CLSTN1: variants seen among roughly 807,000 people sequenced by gnomAD.
CLSTN1 encodes calsyntenin 1.
In CLSTN1, 28 loss-of-function variants were observed where a neutral mutation model predicts 108.3. That is an observed-to-expected ratio of 0.26 (90% confidence interval 0.19 to 0.35). The LOEUF is 0.35. CLSTN1 is among the 10% of genes least tolerant of loss of function. CLSTN1 has a pLI of 1.00. For missense variants in CLSTN1, 1,157 were observed against 1,302.6 expected, an observed-to-expected ratio of 0.89 and a Z score of 1.72; for synonymous variants, 524 against 534.9, an observed-to-expected ratio of 0.98 and a Z score of 0.28.
chr1:9,750,498 T>TG (rs1651504296), intron 5 of CLSTN1, among the ~76,000 whole-genome samples: 1 of 152,034 alleles, frequency 6.6e-6, no homozygotes, highest in South Asian at 2.1e-4. Context: ...TGCAGTGGCC[T>TG]GATCTCGGCT....
intron 4 of CLSTN1, among the ~76,000 whole-genome samples, chr1:9,753,696 G>A (rs1238148360): frequency 6.6e-6 from 1 of 151,950 alleles, no homozygotes; most frequent in Non-Finnish European, 1.5e-5. Context: ...TCTCCATGTT[G>A]GCCAGGCTGG....
chr1:9,788,885 AAAAC>A lies in CLSTN1; in HGVS notation c.92-15495_92-15492del, dbSNP rs1349517888. ...TCCGTCTCAAAAAAAAAAAAAAAAA[AAAAC>A]AAAAGGAATTTGACTATTCTAGTAC... On this transcript the variant is annotated intron_variant, in intron 1 of 18. Coordinates refer to ENST00000377298, the MANE Select transcript of CLSTN1 (RefSeq NM_001009566.3). Among the ~76,000 whole-genome samples the A allele has an allele frequency of 2.0e-5, 3 of 151,134 alleles. 1 individual carries two copies. The East Asian group carries it at 5.9e-4, about 30-fold the overall frequency.
chr1:9,733,250 C>A (rs1328629271), intron 16 of CLSTN1, 151 bp downstream of exon 16: 4 of 891,622 alleles, frequency 4.5e-6, no homozygotes, highest in Non-Finnish European at 5.1e-6. Flanking sequence ...CTGCAGCAGG[C>A]CCCAGGCTGG....
intron 10 of CLSTN1, among the ~76,000 whole-genome samples, chr1:9,740,284 T>C (rs1245673772): frequency 6.6e-6 from 1 of 151,980 alleles, no homozygotes; most frequent in African/African-American, 2.4e-5. Flanking sequence ...GGTCTCGAAC[T>C]CCTGACCTCA....
chr1:9,809,064 C>T (rs530123593), intron 1 of CLSTN1, among the ~76,000 whole-genome samples: 2 of 152,216 alleles, frequency 1.3e-5, no homozygotes, highest in African/African-American at 2.4e-5. Flanking sequence ...AAACCTCATA[C>T]GCAGAAAACA....
chr1:9,748,034 ACT>A (rs1219700799), intron 7 of CLSTN1, among the ~76,000 whole-genome samples: 5 of 148,024 alleles, frequency 3.4e-5, no homozygotes, highest in East Asian at 4.0e-4. Flanking sequence ...ACAGAGTGAG[ACT>A]CTGTCTAAAA....
intron 1 of CLSTN1, among the ~76,000 whole-genome samples, chr1:9,815,273 A>G (rs1223335961): frequency 1.3e-5 from 2 of 152,242 alleles, no homozygotes; most frequent in East Asian, 3.8e-4. Context: ...GTGAGCTACC[A>G]AGAGCCCCAC....
In CLSTN1 at chr1:9,751,495, C is replaced by A. The variant is rs765551018; in HGVS notation, c.627G>T (p.Val209=). The A allele has an allele frequency of 3.1e-6, 5 of 1,614,104 alleles. No homozygotes were observed. Among genetic ancestry groups the A allele is most frequent in the Non-Finnish European group, 4.2e-6 (5 of 1,180,018 alleles). ...TACCATCTTTGTCAACAGTAAAGGG[C>A]ACGTCTGGAGTGATGATTTCGTAGC... is the stretch of plus-strand genomic sequence containing the variant. ...ICSYEIITPD[V]PFTVDKDGYI... The change falls in exon 5 of 19, where the codon GTG becomes GTT. Residue 209 remains valine (V), a synonymous_variant. Coordinates refer to ENST00000377298, the MANE Select transcript of CLSTN1 (RefSeq NM_001009566.3).
At chr1:9,759,518 A>G (rs955734644) in intron 2 of CLSTN1, among the ~76,000 whole-genome samples, 5 of 152,152 alleles carry the variant, frequency 3.3e-5, no homozygotes, top group African/African-American at 1.2e-4. Flanking sequence ...TCCTGACCTC[A>G]TGATCCGCCC....
At chr1:9,777,018 A>C (rs1652985868) in intron 1 of CLSTN1, among the ~76,000 whole-genome samples, 1 of 151,858 alleles carries the variant, frequency 6.6e-6, no homozygotes, top group African/African-American at 2.4e-5. Context: ...GGAGTTTGAG[A>C]CCAGCCTGGC....
In CLSTN1 at chr1:9,823,411, CCA is replaced by C. The variant is rs1218366337; in HGVS notation, c.91+230_91+231del. Among the ~76,000 whole-genome samples the C allele has an allele frequency of 9.2e-5, 14 of 152,128 alleles. No individual in the cohort carries two copies. The highest frequency in any genetic ancestry group is 5.9e-4 in the Admixed American group (9 of 15,280). ...TCCCCGGGACGCCTGCAGCGCGCGC[CCA>C]CAGTCTCCTGCGCCCTGGCCCCGGC... On this transcript the variant is annotated intron_variant, in intron 1 of 18. Transcript: ENST00000377298. The surrounding 1 kb of genome is among the most constrained non-coding windows in gnomAD (Gnocchi z 6.3).
At position 9,734,979 on chromosome 1, in the gene CLSTN1, C is replaced by A; in HGVS notation, c.2079G>T (p.Glu693Asp). 2 of 1,614,208 alleles carry A rather than the reference C, an allele frequency of 1.2e-6. No individual in the cohort carries two copies. The highest frequency in any genetic ancestry group is 1.7e-6 in the Non-Finnish European group (2 of 1,180,034). Residue 693 changes from glutamate (E) to aspartate (D), a missense_variant, in exon 14 of 19, where the codon GAG becomes GAT. Physicochemically the swap from Glu to Asp is conservative, Grantham distance 45. Transcript: ENST00000377298. The surrounding 1 kb of genome is among the most constrained non-coding windows in gnomAD (Gnocchi z 4.8). ...GGTCCTCAGCCCCGTCCCCTTCAGG[C>A]TCCACTTCTCTCGTGATGGTGCTGA... ...RIISTITREVEPEGDGAEDPT... is the reference protein window; with the variant it reads ...RIISTITREVDPEGDGAEDPT...
intron 10 of CLSTN1, among the ~76,000 whole-genome samples, chr1:9,738,324 C>T (rs1394590737): frequency 6.6e-6 from 1 of 152,192 alleles, no homozygotes; most frequent in Non-Finnish European, 1.5e-5. Context: ...CCAGGTCATG[C>T]TGAGGGGAAA....
At chr1:9,745,731 C>T (rs1651226302) in intron 7 of CLSTN1, among the ~76,000 whole-genome samples, 1 of 140,944 alleles carries the variant, frequency 7.1e-6, no homozygotes, top group Middle Eastern at 3.5e-3. Flanking sequence ...TAGCAATATT[C>T]TTCTATCATG....
intron 11 of CLSTN1, among the ~76,000 whole-genome samples, chr1:9,737,232 T>C (rs1030621785): frequency 4.9e-5 from 7 of 143,210 alleles, no homozygotes; most frequent in Admixed American, 2.1e-4. Flanking sequence ...GGGAGCCTCA[T>C]GCAGTGGGGT....
intron 9 of CLSTN1, among the ~76,000 whole-genome samples, chr1:9,742,830 C>T (rs1244309232): frequency 2.6e-5 from 4 of 151,946 alleles, no homozygotes; most frequent in African/African-American, 9.7e-5. Context: ...ATCGCTTGAA[C>T]CCGGGAGGTG....
At position 9,751,483 on chromosome 1, in the gene CLSTN1, A is replaced by G. The variant is rs11674; in HGVS notation, c.639T>C (p.Val213=). Residue 213 remains valine (V), a synonymous_variant, in exon 5 of 19, where the codon GTT becomes GTC. Coordinates refer to ENST00000377298, the MANE Select transcript of CLSTN1 (RefSeq NM_001009566.3). ...EIITPDVPFT[V]DKDGYIKNTE... Reference sequence around the variant, plus strand: ...CTCCTCGATTCTTACCATCTTTGTCAACAGTAAAGGGCACGTCTGGAGTGA... The same window carrying G: ...CTCCTCGATTCTTACCATCTTTGTCGACAGTAAAGGGCACGTCTGGAGTGA... The G allele has an allele frequency of 0.13, 206,928 of 1,613,734 alleles. 23,763 individuals are homozygous for G. The highest frequency in any genetic ancestry group is 0.55 in the African/African-American group (41,068 of 74,888).
At chr1:9,817,062 A>C (rs529406813) in intron 1 of CLSTN1, among the ~76,000 whole-genome samples, 1 of 152,356 alleles carries the variant, frequency 6.6e-6, no homozygotes, top group South Asian at 2.1e-4. Flanking sequence ...AGAACGAAAC[A>C]GATGGCTGAA....
chr1:9,784,516 A>C (rs1653394084), intron 1 of CLSTN1, among the ~76,000 whole-genome samples: 2 of 152,198 alleles, frequency 1.3e-5, no homozygotes, highest in Non-Finnish European at 2.9e-5. Context: ...AAGAAAAAAG[A>C]AACCCACTGT....
Sources: allele counts gnomAD v4.1 joint callset (sites outside exome capture counted in the v4.1 genomes callset), GRCh38; gene constraint gnomAD v4.1.1; non-coding constraint Gnocchi (gnomAD v3.1); transcripts MANE v1.5; gene names NCBI Gene and HGNC (gene_info 2026-07-23, HGNC 2026-07-21).